Variants in CTNNA2 observed in about 807,000 individuals in gnomAD.
CTNNA2 encodes catenin alpha-2.
A neutral mutation model predicts 101.0 loss-of-function variants in CTNNA2; 42 were observed. That is an observed-to-expected ratio of 0.42 (90% CI 0.32 to 0.54). The LOEUF is 0.54. CTNNA2 is among the 20% of genes least tolerant of loss of function. The pLI is 0.14. For missense variants in CTNNA2, 871 were observed against 1,223.1 expected (o/e 0.71, Z 4.29); for synonymous variants, 450 against 456.4 (o/e 0.99, Z 0.18).
intron 3 of CTNNA2, among the ~76,000 whole-genome samples, chr2:79,780,855 GAGA>G (rs1192401364): frequency 7.2e-5 from 11 of 152,190 alleles, no homozygotes; most frequent in South Asian, 2.1e-4. Context: ...ATTCAATATA[GAGA>G]AGAAGATTTA....
Position 80,303,338 on chromosome 2 carries a change from C to G in CTNNA2, c.1057-89873C>G. 6.2e-7 allele frequency: 1 copy of G among 1,613,966 alleles called. No individual in the cohort carries two copies. The highest frequency in any genetic ancestry group is 8.5e-7 in the Non-Finnish European group (1 of 1,180,042). On this transcript the variant is annotated intron_variant, in intron 7 of 18. Coordinates refer to ENST00000402739, the MANE Select transcript of CTNNA2 (RefSeq NM_001282597.3). The surrounding 1 kb of genome is among the most constrained non-coding windows in gnomAD (Gnocchi z 7.7). Reference sequence around the variant, plus strand: ...CCGCATATGCAGCGTGGTGAGCTTCCGCAGCCCGTGGAAGAGGTCGGGCGC... The same window carrying G: ...CCGCATATGCAGCGTGGTGAGCTTCGGCAGCCCGTGGAAGAGGTCGGGCGC...
chr2:80,411,162 A>G (rs1295535519), intron 8 of CTNNA2, among the ~76,000 whole-genome samples: 1 of 152,226 alleles, frequency 6.6e-6, no homozygotes, highest in Non-Finnish European at 1.5e-5. Context: ...TTAGCATCTT[A>G]CAATTTACTA....
rs1013113394 is a variant in CTNNA2, at chr2:79,306,431, A to G, written c.-405-6278A>G. Among the ~76,000 whole-genome samples, 5 of 152,404 alleles carry G rather than the reference A, an allele frequency of 3.3e-5. No individual in the cohort carries two copies. In the South Asian group the frequency reaches 6.2e-4, roughly 19 times the overall value. On this transcript the variant is annotated intron_variant, in intron 2 of 21. Coordinates refer to the CTNNA2 transcript ENST00000466387. ...TTTAGACATTTCAAAATGTATACAT[A>G]TATCAAAGCATGTTGTGTACCATAA...
Position 80,586,855 on chromosome 2 carries a change from A to G in CTNNA2, c.2008-2449A>G, listed in dbSNP as rs150258540. Among the ~76,000 whole-genome samples the G allele has an allele frequency of 7.2e-5, 11 of 152,330 alleles. No homozygotes were observed. The East Asian group carries it at 2.1e-3, about 29-fold the overall frequency. On this transcript the variant is annotated intron_variant, in intron 14 of 18. Coordinates refer to ENST00000402739, the MANE Select transcript of CTNNA2 (RefSeq NM_001282597.3). ...CATACATGTATCCATGGAAGTCAGT[A>G]GATGTGGCTACTAGTAAGAAGCATC...
intron 1 of CTNNA2, among the ~76,000 whole-genome samples, chr2:79,633,012 G>A (rs1340642519): frequency 6.6e-6 from 1 of 152,158 alleles, no homozygotes; most frequent in Non-Finnish European, 1.5e-5. Context: ...TTCACTGGGG[G>A]GCTGTAGTTT....
chr2:80,343,500 T>G (rs11885868), intron 7 of CTNNA2, among the ~76,000 whole-genome samples: 58,012 of 151,784 alleles, frequency 0.38, 13,731 homozygotes, highest in African/African-American at 0.68. Flanking sequence ...TGGGAAGTTT[T>G]ATTATCCTCT....
At chr2:80,319,561 A>G (rs1215579171) in intron 7 of CTNNA2, among the ~76,000 whole-genome samples, 2 of 152,172 alleles carry the variant, frequency 1.3e-5, no homozygotes, top group African/African-American at 4.8e-5. Flanking sequence ...GTTTACTTTG[A>G]TGGTTTTTCT....
Position 79,592,604 on chromosome 2 carries a change from A to G in CTNNA2, c.-5-58948A>G, listed in dbSNP as rs1676935322. Among the ~76,000 whole-genome samples the G allele has an allele frequency of 5.9e-5, 9 of 152,292 alleles. No homozygotes were observed. In the South Asian group the frequency reaches 1.9e-3, roughly 32 times the overall value. ...AGCATAATAACACAACATCACACAC[A>G]TACCCCACACAAACTCTTGCCTTTG... On this transcript the variant is annotated intron_variant, in intron 1 of 18. Coordinates refer to ENST00000402739, the MANE Select transcript of CTNNA2 (RefSeq NM_001282597.3).
At chr2:79,548,388 T>C (rs538157950) in intron 1 of CTNNA2, among the ~76,000 whole-genome samples, 1 of 152,362 alleles carries the variant, frequency 6.6e-6, no homozygotes, top group South Asian at 2.1e-4. Context: ...TTTCCATTTT[T>C]AATGACAAAT....
intron 9 of CTNNA2, among the ~76,000 whole-genome samples, chr2:80,506,840 A>G (rs1017566221): frequency 8.5e-5 from 13 of 152,202 alleles, no homozygotes; most frequent in Non-Finnish European, 5.9e-5. Flanking sequence ...TGCCACTTAT[A>G]AAATGACTAT....
chr2:79,876,679 T>TA (rs1350859620), intron 6 of CTNNA2, among the ~76,000 whole-genome samples: 1 of 152,176 alleles, frequency 6.6e-6, no homozygotes, highest in Non-Finnish European at 1.5e-5. Context: ...CGATTTTCAT[T>TA]AAAAGCACCT....
At chr2:80,284,582 C>T (rs995895576) in intron 7 of CTNNA2, among the ~76,000 whole-genome samples, 4 of 151,920 alleles carry the variant, frequency 2.6e-5, no homozygotes, top group Non-Finnish European at 5.9e-5. Context: ...ACTATGAATC[C>T]ACCAGTTCCA....
At chr2:80,018,339 A>AT (rs1694294472) in intron 7 of CTNNA2, among the ~76,000 whole-genome samples, 1 of 152,132 alleles carries the variant, frequency 6.6e-6, no homozygotes, top group Non-Finnish European at 1.5e-5. Context: ...TTGTTATAAT[A>AT]TTTTTATCCC....
chr2:80,352,515 C>T (rs1673395807), intron 7 of CTNNA2, among the ~76,000 whole-genome samples: 1 of 152,090 alleles, frequency 6.6e-6, no homozygotes, highest in Non-Finnish European at 1.5e-5. Flanking sequence ...GAGTCTAATG[C>T]CAATTGTACT....
intron 18 of CTNNA2, among the ~76,000 whole-genome samples, chr2:80,620,522 G>C (rs1241934600): frequency 6.6e-6 from 1 of 151,906 alleles, no homozygotes; most frequent in African/African-American, 2.4e-5. Flanking sequence ...GACTATAACA[G>C]TAAAGATTTC....
intron 9 of CTNNA2, among the ~76,000 whole-genome samples, chr2:80,487,533 A>T (rs1400336981): frequency 2.0e-5 from 3 of 152,160 alleles, no homozygotes; most frequent in Non-Finnish European, 4.4e-5. Context: ...AAAGCCCCTT[A>T]TAAAACCATC....
At chr2:80,500,717 G>T (rs1180920837) in intron 9 of CTNNA2, among the ~76,000 whole-genome samples, 1 of 152,142 alleles carries the variant, frequency 6.6e-6, no homozygotes, top group African/African-American at 2.4e-5. Context: ...TGTACAAAGG[G>T]TCCTAGATTC....
chr2:79,407,838 T>C (rs112863151), intron 4 of CTNNA2, among the ~76,000 whole-genome samples: 2,432 of 152,120 alleles, frequency 0.016, 56 homozygotes, highest in African/African-American at 0.055. Context: ...CTTAAGGAAA[T>C]GCTCCTGGCC....
intron 7 of CTNNA2, among the ~76,000 whole-genome samples, chr2:80,017,780 T>A (rs1694260733): frequency 6.6e-6 from 1 of 152,132 alleles, no homozygotes; most frequent in African/African-American, 2.4e-5. Context: ...GAAATAGCGC[T>A]TCTGGTTTAA....
Sources: allele counts gnomAD v4.1 joint callset (sites outside exome capture counted in the v4.1 genomes callset), GRCh38; gene constraint gnomAD v4.1.1; non-coding constraint Gnocchi (gnomAD v3.1); transcripts MANE v1.5; gene names NCBI Gene and HGNC (gene_info 2026-07-23, HGNC 2026-07-21).